The following DSCAM variants were observed in gnomAD, a reference collection of about 807,000 sequenced individuals.
The protein encoded by DSCAM is DS cell adhesion molecule.
DSCAM carries 47 observed loss-of-function variants against 217.7 expected under a neutral mutation model. That is an observed-to-expected ratio of 0.22 (90% confidence interval 0.17 to 0.28). The LOEUF (loss-of-function observed/expected upper bound fraction) is 0.28, where lower values mean the gene tolerates loss of function less well. Among genes scored for constraint, DSCAM ranks in the 10% least tolerant of loss-of-function variants. The probability of loss-of-function intolerance (pLI) is 1.00; values close to 1 mark genes in which losing one functional copy is unlikely to be tolerated. For synonymous variants in DSCAM, 1,056 were observed against 1,015.3 expected, an observed-to-expected ratio of 1.04 and a Z score of -0.76; for missense variants, 2,080 against 2,618.3, an observed-to-expected ratio of 0.79 and a Z score of 4.49.
chr21:40,341,919 C>A (rs2074496323), intron 6 of DSCAM, among the ~76,000 whole-genome samples: 4 of 152,154 alleles, frequency 2.6e-5, no homozygotes, highest in Admixed American at 2.0e-4. Context: ...CATTCTTCAG[C>A]CTCTTTTGTG....
chr21:40,119,010 T>C (rs1053039146), intron 20 of DSCAM, among the ~76,000 whole-genome samples: 2 of 152,142 alleles, frequency 1.3e-5, no homozygotes, highest in Non-Finnish European at 2.9e-5. Flanking sequence ...GCCTCAGAGA[T>C]TTCTTTCTCT....
intron 3 of DSCAM, among the ~76,000 whole-genome samples, chr21:40,498,843 A>G (rs1434758815): frequency 2.1e-5 from 3 of 142,430 alleles, no homozygotes; most frequent in Middle Eastern, 4.1e-3. Flanking sequence ...GATATATGAG[A>G]GAAAAAATAT....
chr21:40,170,877 G>A (rs977422812), intron 15 of DSCAM, among the ~76,000 whole-genome samples: 2 of 152,146 alleles, frequency 1.3e-5, no homozygotes, highest in African/African-American at 4.8e-5. Context: ...GGGCTCCCTG[G>A]GGCATGGCCT....
At chr21:40,282,748 C>A (rs2073779773) in intron 10 of DSCAM, among the ~76,000 whole-genome samples, 1 of 151,664 alleles carries the variant, frequency 6.6e-6, no homozygotes, top group African/African-American at 2.4e-5. Context: ...TTTTCCTTTT[C>A]TTAAATAATT....
At chr21:40,773,136 C>A (rs2091460658) in intron 1 of DSCAM, among the ~76,000 whole-genome samples, 1 of 152,238 alleles carries the variant, frequency 6.6e-6, no homozygotes, top group Non-Finnish European at 1.5e-5. Flanking sequence ...AACCCTTGTT[C>A]AACCAATCCT....
intron 3 of DSCAM, among the ~76,000 whole-genome samples, chr21:40,401,948 A>G (rs1222585752): frequency 2.0e-5 from 3 of 152,106 alleles, no homozygotes; most frequent in Non-Finnish European, 4.4e-5. Flanking sequence ...ACACTGGACA[A>G]TAATCAAATG....
chr21:40,842,805 C>T lies in DSCAM; in HGVS notation c.43+3814G>A, dbSNP rs567084614. ...TGCCCCCCGTGACTCACTGATCCCC[C>T]GAGGCAGCAAACCGTGGTCACACCA... On this transcript the variant is annotated intron_variant, in intron 1 of 32. Transcript: ENST00000400454. Among the ~76,000 whole-genome samples the T allele has an allele frequency of 2.6e-5, 4 of 152,212 alleles. No homozygotes were observed. In the South Asian group the frequency reaches 6.2e-4, roughly 24 times the overall value.
At chr21:40,314,652 C>A (rs1446270651) in intron 8 of DSCAM, among the ~76,000 whole-genome samples, 4 of 152,168 alleles carry the variant, frequency 2.6e-5, no homozygotes, top group African/African-American at 9.7e-5. Flanking sequence ...AAAATAATTA[C>A]ATTTCCTCCC....
At chr21:40,681,697 G>A (rs1445421255) in intron 3 of DSCAM, among the ~76,000 whole-genome samples, 1 of 152,174 alleles carries the variant, frequency 6.6e-6, no homozygotes, top group Non-Finnish European at 1.5e-5. Flanking sequence ...CAGGGTTGTG[G>A]TAGATGTAAT....
At chr21:40,709,341 CAT>C (rs1440133022) in intron 1 of DSCAM, among the ~76,000 whole-genome samples, 1 of 152,096 alleles carries the variant, frequency 6.6e-6, no homozygotes, top group Non-Finnish European at 1.5e-5. Flanking sequence ...ATATGTAAAA[CAT>C]TTTATTTTTT....
At chr21:40,570,873 A>C (rs1430386000) in intron 3 of DSCAM, among the ~76,000 whole-genome samples, 2 of 152,196 alleles carry the variant, frequency 1.3e-5, no homozygotes, top group Non-Finnish European at 2.9e-5. Context: ...AAAGCATCCA[A>C]GACCTGTGTA....
chr21:40,455,595 C>T lies in DSCAM; in HGVS notation c.509-86350G>A, dbSNP rs142938946. Among the ~76,000 whole-genome samples the T allele has an allele frequency of 3.9e-4, 60 of 152,078 alleles. No homozygotes were observed. The East Asian group carries it at 0.01, about 27-fold the overall frequency. The stretch of plus-strand genomic sequence containing the variant: ...CAGCCTGGCCAACATAGCGAAACCC[C>T]GTCTCTACTGTAAATATACAAACAT... On this transcript the variant is annotated intron_variant, in intron 3 of 32. Coordinates refer to ENST00000400454, the MANE Select transcript of DSCAM (RefSeq NM_001389.5).
chr21:40,504,384 C>A (rs544516304), intron 3 of DSCAM, among the ~76,000 whole-genome samples: 2 of 150,210 alleles, frequency 1.3e-5, no homozygotes, highest in African/African-American at 2.4e-5. Flanking sequence ...GTTCTCCATG[C>A]CTTCTCTAAG....
chr21:40,813,262 A>C (rs1053100202), intron 1 of DSCAM, among the ~76,000 whole-genome samples: 2 of 152,222 alleles, frequency 1.3e-5, no homozygotes, highest in Non-Finnish European at 2.9e-5. Flanking sequence ...CTGACCTAAA[A>C]ACCATGGTTG....
At chr21:40,043,993 C>T (rs1341389468) in intron 31 of DSCAM, 85 bp downstream of exon 31, 21 of 1,407,872 alleles carry the variant, frequency 1.5e-5, no homozygotes, top group African/African-American at 2.8e-5. Context: ...GAAGCCCTCT[C>T]TCCCCTCCCC....
chr21:40,262,007 TTCTC>T (rs138264638), intron 11 of DSCAM, among the ~76,000 whole-genome samples: 1 of 151,120 alleles, frequency 6.6e-6, no homozygotes, highest in African/African-American at 2.4e-5. Context: ...AACTTGAGTG[TTCTC>T]TCTCTCTCTC....
chr21:40,716,762 C>T (rs1206254184), intron 1 of DSCAM, among the ~76,000 whole-genome samples: 3 of 152,186 alleles, frequency 2.0e-5, no homozygotes, highest in Non-Finnish European at 2.9e-5. Flanking sequence ...ATTTATTGAG[C>T]ACCTACTAGG....
chr21:40,264,448 A>G (rs112092893), intron 11 of DSCAM, among the ~76,000 whole-genome samples: 1,628 of 152,348 alleles, frequency 0.011, 30 homozygotes, highest in African/African-American at 0.037. Flanking sequence ...ATAATTAAAA[A>G]CAAAAACCAT....
At chr21:40,386,948 T>C (rs2075091711) in intron 3 of DSCAM, among the ~76,000 whole-genome samples, 1 of 152,224 alleles carries the variant, frequency 6.6e-6, no homozygotes, top group Non-Finnish European at 1.5e-5. Flanking sequence ...TATGTCAGAT[T>C]ACATTATTTG....
Sources: gnomAD v4.1 joint callset for allele counts (sites outside exome capture counted in the v4.1 genomes callset) on GRCh38, gnomAD v4.1.1 for gene constraint, MANE v1.5 for transcripts, NCBI Gene and HGNC (gene_info 2026-07-23, HGNC 2026-07-21) for gene names.